Variants in ARHGAP15 observed in about 807,000 individuals in gnomAD.
The protein encoded by ARHGAP15 is Rho GTPase activating protein 15.
Under a neutral mutation model 63.7 loss-of-function variants are expected in ARHGAP15, and 51 were observed. That is an observed-to-expected ratio of 0.80 (90% CI 0.64 to 1.01). The LOEUF (loss-of-function observed/expected upper bound fraction) is 1.01. ARHGAP15 is among the 50% of genes least tolerant of loss of function. The pLI is 0.00. For synonymous variants in ARHGAP15, 191 were observed against 193.8 expected (o/e 0.99, Z 0.12); for missense variants, 560 against 564.6 (o/e 0.99, Z 0.08).
chr2:143,235,013 A>G (rs1333124766), intron 5 of ARHGAP15, among the ~76,000 whole-genome samples: 1 of 152,164 alleles, frequency 6.6e-6, no homozygotes, highest in Non-Finnish European at 1.5e-5. Context: ...TCTCATTGCA[A>G]TCTACCTCAC....
intron 5 of ARHGAP15, among the ~76,000 whole-genome samples, chr2:143,231,150 T>A (rs934838225): frequency 6.6e-6 from 1 of 150,464 alleles, no homozygotes; most frequent in African/African-American, 2.5e-5. Flanking sequence ...ACCTGTGAAA[T>A]GGGCATAGTG....
At chr2:143,413,396 G>A (rs887640279) in intron 6 of ARHGAP15, among the ~76,000 whole-genome samples, 1 of 152,030 alleles carries the variant, frequency 6.6e-6, no homozygotes, top group Non-Finnish European at 1.5e-5. Flanking sequence ...CTTTACCTTG[G>A]TAGAATATAA....
At chr2:143,295,264 A>T (rs1474197922) in intron 6 of ARHGAP15, among the ~76,000 whole-genome samples, 1 of 152,054 alleles carries the variant, frequency 6.6e-6, no homozygotes, top group Non-Finnish European at 1.5e-5. Context: ...GGCATGGCTT[A>T]AGTTACACAG....
chr2:143,246,675 G>A (rs1694056713), intron 5 of ARHGAP15, among the ~76,000 whole-genome samples: 1 of 151,998 alleles, frequency 6.6e-6, no homozygotes, highest in Non-Finnish European at 1.5e-5. Context: ...GAGGGCAGGT[G>A]GAGGGGGTGG....
chr2:143,174,963 TA>T (rs1307375595), intron 2 of ARHGAP15, among the ~76,000 whole-genome samples: 1 of 152,146 alleles, frequency 6.6e-6, no homozygotes, highest in Non-Finnish European at 1.5e-5. Context: ...ACTCCACTGC[TA>T]AAAAAGTAAC....
chr2:143,618,163 C>T (rs1053454793), intron 11 of ARHGAP15, among the ~76,000 whole-genome samples: 2 of 152,178 alleles, frequency 1.3e-5, no homozygotes, highest in Admixed American at 6.5e-5. Context: ...TTTCAGGAGC[C>T]AGCACAGCAA....
intron 13 of ARHGAP15, among the ~76,000 whole-genome samples, chr2:143,721,079 A>AAAAAAAAAAAC: frequency 6.6e-6 from 1 of 151,208 alleles, no homozygotes; most frequent in Non-Finnish European, 1.5e-5. Flanking sequence ...AAAAAAAAAA[A>AAAAAAAAAAAC]ATGCAGATTC....
At chr2:143,664,531 T>G (rs1268399338) in intron 12 of ARHGAP15, among the ~76,000 whole-genome samples, 1 of 151,626 alleles carries the variant, frequency 6.6e-6, no homozygotes, top group African/African-American at 2.4e-5. Flanking sequence ...AGCAAACACA[T>G]TCAAAAGCTA....
At chr2:143,362,433 C>T (rs894436773) in intron 6 of ARHGAP15, among the ~76,000 whole-genome samples, 3 of 152,144 alleles carry the variant, frequency 2.0e-5, no homozygotes, top group Non-Finnish European at 2.9e-5. Flanking sequence ...GGGAATTCTG[C>T]GTCCTCCTCT....
intron 6 of ARHGAP15, 42 bp downstream of exon 6, chr2:143,250,642 A>C (rs1338013748): frequency 6.6e-7 from 1 of 1,518,356 alleles, no homozygotes; most frequent in Admixed American, 1.7e-5. Flanking sequence ...TATTCTCTCT[A>C]AATCTGAGCT....
intron 6 of ARHGAP15, among the ~76,000 whole-genome samples, chr2:143,276,428 G>A (rs935750143): frequency 1.3e-5 from 2 of 152,202 alleles, no homozygotes; most frequent in African/African-American, 2.4e-5. Flanking sequence ...AAACACAGAG[G>A]TGGGTTGCCT....
At chr2:143,313,307 C>G (rs1225497712) in intron 6 of ARHGAP15, among the ~76,000 whole-genome samples, 2 of 152,086 alleles carry the variant, frequency 1.3e-5, no homozygotes, top group Non-Finnish European at 2.9e-5. Context: ...AAGAGAAAAG[C>G]AAGTAAACGA....
chr2:143,420,367 G>A (rs925501383), intron 6 of ARHGAP15, among the ~76,000 whole-genome samples: 8 of 152,152 alleles, frequency 5.3e-5, no homozygotes, highest in African/African-American at 1.4e-4. Flanking sequence ...AGTCTTGAAG[G>A]CAGCACAGAA....
chr2:143,200,872 A>G (rs1692085562), intron 2 of ARHGAP15, among the ~76,000 whole-genome samples: 1 of 152,130 alleles, frequency 6.6e-6, no homozygotes, highest in African/African-American at 2.4e-5. Context: ...CTGAGCTCAC[A>G]TCATCAACAA....
intron 9 of ARHGAP15, among the ~76,000 whole-genome samples, chr2:143,502,569 TTTG>T (rs565245923): frequency 9.3e-5 from 14 of 150,438 alleles, no homozygotes; most frequent in South Asian, 2.1e-4. Flanking sequence ...TGTGGATCGT[TTTG>T]TTGTTGTTGT....
At chr2:143,387,784 CTT>C (rs1407434267) in intron 6 of ARHGAP15, among the ~76,000 whole-genome samples, 2 of 152,020 alleles carry the variant, frequency 1.3e-5, no homozygotes, top group African/African-American at 4.8e-5. Context: ...CTCCAGAACC[CTT>C]GTCAGTACCC....
chr2:143,686,880 C>T (rs1683376495), intron 12 of ARHGAP15, among the ~76,000 whole-genome samples: 1 of 152,188 alleles, frequency 6.6e-6, no homozygotes, highest in South Asian at 2.1e-4. Flanking sequence ...TGTCCAACAA[C>T]TTCTGCATTC....
At chr2:143,584,670 T>A (rs1028826009) in intron 11 of ARHGAP15, among the ~76,000 whole-genome samples, 1 of 152,012 alleles carries the variant, frequency 6.6e-6, no homozygotes, top group Non-Finnish European at 1.5e-5. Flanking sequence ...ATAATACATA[T>A]CTACAAAAGC....
At chr2:143,735,532 TCTCA>T (rs1265222971) in intron 13 of ARHGAP15, among the ~76,000 whole-genome samples, 1 of 152,228 alleles carries the variant, frequency 6.6e-6, no homozygotes, top group Non-Finnish European at 1.5e-5. Flanking sequence ...TAAGCTTCTC[TCTCA>T]CTGTGTGAAA....
Sources: gnomAD v4.1 joint callset for allele counts (sites outside exome capture counted in the v4.1 genomes callset) on GRCh38, gnomAD v4.1.1 for gene constraint, MANE v1.5 for transcripts, NCBI Gene and HGNC (gene_info 2026-07-23, HGNC 2026-07-21) for gene names.